GPM6B: variants seen among roughly 807,000 people sequenced by gnomAD.
GPM6B encodes glycoprotein M6B.
A neutral mutation model predicts 27.2 loss-of-function variants in GPM6B; 4 were observed. The ratio of observed to expected loss-of-function variants is 0.15; its 90% CI spans 0.07 to 0.34. The LOEUF is 0.34. Ranked by LOEUF, GPM6B falls within the 10% of genes least tolerant of loss-of-function variation. GPM6B has a pLI of 1.00. For missense variants in GPM6B, 183 were observed against 261.9 expected (o/e 0.70, Z 2.08); for synonymous variants, 124 against 103.1 (o/e 1.20, Z -1.23).
At chrX:13,824,660 T>C (rs1304543250) in intron 1 of GPM6B, among the ~76,000 whole-genome samples, 1 of 111,864 alleles carries the variant, frequency 8.9e-6, no homozygotes, top group Non-Finnish European at 1.9e-5. Context: ...CATACTCACC[T>C]GAGGCAGAAA....
At chrX:13,817,201 T>C (rs1480619461), upstream of GPM6B, 1 of 834,817 alleles carries the variant, frequency 1.2e-6, no homozygotes, top group Non-Finnish European at 1.4e-6. Flanking sequence ...ACAGTCTCAA[T>C]GCGGCTCCAG....
intron 1 of GPM6B, among the ~76,000 whole-genome samples, chrX:13,826,525 A>C (rs67712505): frequency 0.14 from 15,600 of 108,804 alleles, 2,038 homozygotes; most frequent in African/African-American, 0.41. Context: ...GGCAACATAG[A>C]AAGACCCTGC....
intron 1 of GPM6B, among the ~76,000 whole-genome samples, chrX:13,912,065 G>C (rs1185802069): frequency 8.9e-6 from 1 of 111,745 alleles, no homozygotes; most frequent in Non-Finnish European, 1.9e-5. Flanking sequence ...CAACCACATA[G>C]GGCGTTATTT....
intron 1 of GPM6B, among the ~76,000 whole-genome samples, chrX:13,810,750 A>C: frequency 9.1e-6 from 1 of 109,293 alleles, no homozygotes; most frequent in East Asian, 2.8e-4. Flanking sequence ...GATTTAAAAA[A>C]AAAAAAAAAA....
At chrX:13,821,638 C>G (rs1390181353), upstream of GPM6B, among the ~76,000 whole-genome samples, 2 of 111,858 alleles carry the variant, frequency 1.8e-5, no homozygotes, top group East Asian at 5.6e-4. Flanking sequence ...CTCTTGTTGC[C>G]TAGGCTGGAG....
intron 1 of GPM6B, among the ~76,000 whole-genome samples, chrX:13,838,301 G>T (rs2049530742): frequency 8.9e-6 from 1 of 111,776 alleles, no homozygotes; most frequent in African/African-American, 3.3e-5. Flanking sequence ...AGACTGCGAT[G>T]TTTTTGAAAG....
At chrX:13,797,135 T>C in intron 2 of GPM6B, among the ~76,000 whole-genome samples, 1 of 112,439 alleles carries the variant, frequency 8.9e-6, no homozygotes, top group Non-Finnish European at 1.9e-5. Context: ...TGTCTCTACT[T>C]TCCTGGATTC....
chrX:13,860,438 G>GT (rs34401183), intron 1 of GPM6B, among the ~76,000 whole-genome samples: 1,865 of 86,246 alleles, frequency 0.022, 36 homozygotes, highest in African/African-American at 0.038. Flanking sequence ...AAAACGTGGG[G>GT]TTTTTTTTTT....
chrX:13,900,191 G>T (rs1281441735), intron 1 of GPM6B, among the ~76,000 whole-genome samples: 1 of 111,626 alleles, frequency 9.0e-6, no homozygotes, highest in Non-Finnish European at 1.9e-5. Flanking sequence ...CAGGGCTTAT[G>T]GGAAAAATGG....
chrX:13,933,117 G>A (rs1333837080), intron 1 of GPM6B, among the ~76,000 whole-genome samples: 1 of 111,953 alleles, frequency 8.9e-6, no homozygotes, highest in Non-Finnish European at 1.9e-5. Flanking sequence ...TAATTTTAAT[G>A]TTGACAGACC....
chrX:13,856,071 TGTAAA>T (rs2049776529), intron 1 of GPM6B, among the ~76,000 whole-genome samples: 2 of 112,054 alleles, frequency 1.8e-5, no homozygotes, highest in African/African-American at 6.5e-5. Flanking sequence ...TATTTTATCC[TGTAAA>T]GTAAAGATGA....
intron 1 of GPM6B, among the ~76,000 whole-genome samples, chrX:13,868,334 A>C (rs2049941164): frequency 8.9e-6 from 1 of 111,951 alleles, no homozygotes; most frequent in Admixed American, 9.5e-5. Flanking sequence ...CCAACACCTC[A>C]GCAAAAAGTA....
At chrX:13,865,600 G>C (rs375649148) in intron 1 of GPM6B, among the ~76,000 whole-genome samples, 1 of 58,929 alleles carries the variant, frequency 1.7e-5, no homozygotes, top group African/African-American at 6.0e-5. Flanking sequence ...AAAAAACAAA[G>C]AAAAATATTA....
At chrX:13,905,447 C>T (rs150528282) in intron 1 of GPM6B, among the ~76,000 whole-genome samples, 469 of 110,756 alleles carry the variant, frequency 4.2e-3, no homozygotes, top group Non-Finnish European at 6.5e-3. Flanking sequence ...GATAAAATTA[C>T]CTTTCAGAGT....
chrX:13,775,731 G>A (rs1461915789), intron 7 of GPM6B, among the ~76,000 whole-genome samples: 1 of 112,413 alleles, frequency 8.9e-6, no homozygotes, highest in African/African-American at 3.2e-5. Context: ...TGTGACCAGA[G>A]GCTCACAGAA....
intron 1 of GPM6B, among the ~76,000 whole-genome samples, chrX:13,885,576 C>T (rs935599807): frequency 1.8e-5 from 2 of 112,042 alleles, no homozygotes; most frequent in Non-Finnish European, 3.8e-5. Flanking sequence ...TCTGGCCCCT[C>T]CTCCTCAGTG....
chrX:13,938,479 GTGGCGCGC>G (rs1921959539), upstream of GPM6B: 1 of 929,673 alleles, frequency 1.1e-6, no homozygotes, highest in African/African-American at 2.0e-5. Flanking sequence ...GACCGTGGCC[GTGGCGCGC>G]AGCCAGCGCG....
chrX:13,794,219 C>T (rs889138470), intron 2 of GPM6B, among the ~76,000 whole-genome samples: 1 of 108,093 alleles, frequency 9.3e-6, no homozygotes, highest in Non-Finnish European at 1.9e-5. Context: ...CAATCTCACT[C>T]TGTTACCCAG....
chrX:13,931,140 C>T (rs1921496261), intron 1 of GPM6B, among the ~76,000 whole-genome samples: 1 of 111,419 alleles, frequency 9.0e-6, no homozygotes, highest in African/African-American at 3.3e-5. Flanking sequence ...GCTGAGATCA[C>T]ACCACTGCAC....
Sources: gnomAD v4.1 joint callset for allele counts (sites outside exome capture counted in the v4.1 genomes callset) on GRCh38, gnomAD v4.1.1 for gene constraint, MANE v1.5 for transcripts, NCBI Gene and HGNC (gene_info 2026-07-23, HGNC 2026-07-21) for gene names.